Variants in DNAJC5B observed in about 807,000 individuals in gnomAD.
DNAJC5B encodes dnaJ homolog subfamily C member 5B.
Under a neutral mutation model 24.7 loss-of-function variants are expected in DNAJC5B, and 23 were observed. The ratio of observed to expected loss-of-function variants is 0.93; its 90% CI spans 0.67 to 1.32. The LOEUF (loss-of-function observed/expected upper bound fraction) is 1.32, where lower values mean the gene tolerates loss of function less well. Ranked by LOEUF, DNAJC5B falls within the 40% of genes most tolerant of loss-of-function variation. DNAJC5B has a pLI of 0.00. For missense variants in DNAJC5B, 238 were observed against 240.8 expected (o/e 0.99, Z 0.08); for synonymous variants, 101 against 90.1 (o/e 1.12, Z -0.68).
At chr8:66,086,107 T>C (rs945050861) in intron 5 of DNAJC5B, among the ~76,000 whole-genome samples, 3 of 152,188 alleles carry the variant, frequency 2.0e-5, no homozygotes, top group Non-Finnish European at 4.4e-5. Context: ...TTGCAAGTAT[T>C]TACAATTTCT....
intron 5 of DNAJC5B, among the ~76,000 whole-genome samples, chr8:66,090,749 A>G (rs1371432632): frequency 6.6e-6 from 1 of 152,194 alleles, no homozygotes; most frequent in Non-Finnish European, 1.5e-5. Flanking sequence ...AGTATTCATC[A>G]CATCTTACTG....
intron 1 of DNAJC5B, among the ~76,000 whole-genome samples, chr8:66,022,194 C>T (rs1331971486): frequency 6.6e-6 from 1 of 152,134 alleles, no homozygotes; most frequent in Non-Finnish European, 1.5e-5. Context: ...ATACCGGACC[C>T]CCCACCCCGC....
At chr8:66,081,184 T>A (rs995275158) in intron 5 of DNAJC5B, among the ~76,000 whole-genome samples, 4 of 152,154 alleles carry the variant, frequency 2.6e-5, no homozygotes, top group Non-Finnish European at 4.4e-5. Flanking sequence ...AAGTTCATGC[T>A]ATCCAAAAAT....
intron 3 of DNAJC5B, among the ~76,000 whole-genome samples, chr8:66,072,250 A>T (rs1807367735): frequency 6.6e-6 from 1 of 152,176 alleles, no homozygotes; most frequent in South Asian, 2.1e-4. Context: ...ATGGGCTTCT[A>T]AAACACATGG....
chr8:66,092,701 T>C (rs944819162), intron 5 of DNAJC5B, among the ~76,000 whole-genome samples: 1 of 152,160 alleles, frequency 6.6e-6, no homozygotes, highest in African/African-American at 2.4e-5. Flanking sequence ...ATATTTATAA[T>C]CTTAATGGCA....
intron 1 of DNAJC5B, among the ~76,000 whole-genome samples, chr8:66,024,421 T>G (rs886346703): frequency 8.0e-6 from 1 of 124,664 alleles, no homozygotes; most frequent in Non-Finnish European, 1.6e-5. Flanking sequence ...TTTTTTTTTT[T>G]AATGTTTTTT....
chr8:66,060,067 T>C (rs544000446), intron 3 of DNAJC5B, among the ~76,000 whole-genome samples: 3 of 152,322 alleles, frequency 2.0e-5, no homozygotes, highest in Admixed American at 2.0e-4. Context: ...TGTGATATGC[T>C]CTGTTAGAGC....
chr8:66,092,168 A>T (rs960632415), intron 5 of DNAJC5B, among the ~76,000 whole-genome samples: 1 of 152,232 alleles, frequency 6.6e-6, no homozygotes, highest in African/African-American at 2.4e-5. Context: ...GTTTTAAGTT[A>T]TGTGAATCTC....
intron 1 of DNAJC5B, among the ~76,000 whole-genome samples, chr8:66,023,369 C>T (rs1408130208): frequency 6.6e-6 from 1 of 152,148 alleles, no homozygotes; most frequent in Admixed American, 6.5e-5. Context: ...CTAGCCTCTG[C>T]ACCTCCATAC....
chr8:66,049,338 C>G (rs139447239), intron 2 of DNAJC5B, among the ~76,000 whole-genome samples: 170 of 152,350 alleles, frequency 1.1e-3, no homozygotes, highest in Non-Finnish European at 1.9e-3. Flanking sequence ...TCACTCATTG[C>G]TTACTCACTG....
chr8:66,094,089 C>T (rs1807902033), intron 5 of DNAJC5B, among the ~76,000 whole-genome samples: 1 of 152,048 alleles, frequency 6.6e-6, no homozygotes, highest in Admixed American at 6.6e-5. Context: ...ATCACAATCC[C>T]TAATATCTGT....
intron 5 of DNAJC5B, among the ~76,000 whole-genome samples, chr8:66,095,402 TC>T (rs1327332665): frequency 1.8e-4 from 23 of 127,696 alleles, no homozygotes; most frequent in African/African-American, 7.7e-4. Context: ...ATTTCTGCTT[TC>T]TCTCTCTCTC....
chr8:66,089,130 AATTTAC>A (rs1222575107), intron 5 of DNAJC5B, among the ~76,000 whole-genome samples: 1 of 152,194 alleles, frequency 6.6e-6, no homozygotes, highest in Non-Finnish European at 1.5e-5. Flanking sequence ...GGCCTCAGGA[AATTTAC>A]AGTCATGGAG....
chr8:66,086,197 G>A (rs1807721183), intron 5 of DNAJC5B, among the ~76,000 whole-genome samples: 1 of 151,904 alleles, frequency 6.6e-6, no homozygotes, highest in Admixed American at 6.6e-5. Flanking sequence ...AAATTCCTTG[G>A]GATTTTCTAT....
intron 3 of DNAJC5B, among the ~76,000 whole-genome samples, chr8:66,061,611 G>GAGAC (rs68156348): frequency 7.9e-6 from 1 of 126,004 alleles, no homozygotes; most frequent in African/African-American, 3.4e-5. Flanking sequence ...GAGAGAGAGA[G>GAGAC]TGTGTGTGTG....
At chr8:66,048,375 G>A (rs574848457) in intron 2 of DNAJC5B, among the ~76,000 whole-genome samples, 32 of 152,284 alleles carry the variant, frequency 2.1e-4, no homozygotes, top group East Asian at 7.7e-4. Flanking sequence ...TACTTTCTTC[G>A]TAGGAAAATG....
chr8:66,040,034 A>G (rs1015990175), intron 1 of DNAJC5B, among the ~76,000 whole-genome samples: 2 of 152,228 alleles, frequency 1.3e-5, no homozygotes, highest in African/African-American at 4.8e-5. Context: ...AAAAGTTCTA[A>G]GAGATAAAAA....
chr8:66,061,888 A>G (rs1000092941), intron 3 of DNAJC5B, among the ~76,000 whole-genome samples: 1 of 152,008 alleles, frequency 6.6e-6, no homozygotes, highest in Non-Finnish European at 1.5e-5. Context: ...AGGACAGAAG[A>G]AACCCAAACA....
chr8:66,072,641 A>G (rs1807375455), intron 3 of DNAJC5B, among the ~76,000 whole-genome samples: 2 of 152,206 alleles, frequency 1.3e-5, no homozygotes, highest in Non-Finnish European at 2.9e-5. Flanking sequence ...ATAATTTAAA[A>G]CAACTAGTGG....
Sources: gnomAD v4.1 joint callset for allele counts (sites outside exome capture counted in the v4.1 genomes callset) on GRCh38, gnomAD v4.1.1 for gene constraint, MANE v1.5 for transcripts, NCBI Gene and HGNC (gene_info 2026-07-23, HGNC 2026-07-21) for gene names.